Variants in NOMO1 observed in about 807,000 individuals in gnomAD.
The protein encoded by NOMO1 is nodal modulator 3.
A neutral mutation model predicts 133.8 loss-of-function variants in NOMO1; 40 were observed. That is an observed-to-expected ratio of 0.30 (90% CI 0.23 to 0.39). NOMO1 has a LOEUF of 0.39. Ranked by LOEUF, NOMO1 falls within the 10% of genes least tolerant of loss-of-function variation. The pLI is 1.00. For synonymous variants in NOMO1, 236 were observed against 570.5 expected (o/e 0.41, Z 8.36); for missense variants, 462 against 1,419.9 (o/e 0.33, Z 10.84).
intron 18 of NOMO1, 37 bp from the exon 19 acceptor site, chr16:14,874,999 A>T (rs1224970045): frequency 1.9e-6 from 3 of 1,613,560 alleles, no homozygotes; most frequent in Non-Finnish European, 2.5e-6. Flanking sequence ...GACCACAAGG[A>T]TACGCAACTA....
At chr16:14,835,758 T>A (rs1451958021) in intron 1 of NOMO1, among the ~76,000 whole-genome samples, 3 of 151,302 alleles carry the variant, frequency 2.0e-5, no homozygotes, top group African/African-American at 7.4e-5. Flanking sequence ...ATAATCATGA[T>A]ATTTCACGGT....
chr16:14,868,959 G>T, intron 16 of NOMO1, among the ~76,000 whole-genome samples: 1 of 145,678 alleles, frequency 6.9e-6, no homozygotes, highest in African/African-American at 2.5e-5. Context: ...TTTTTTTTGA[G>T]ATGGAGTCTT....
At chr16:14,842,512 C>A (rs1394726201) in intron 3 of NOMO1, among the ~76,000 whole-genome samples, 6 of 151,262 alleles carry the variant, frequency 4.0e-5, no homozygotes, top group Admixed American at 1.3e-4. Flanking sequence ...TTGCCACCCC[C>A]CACCCTACCC....
rs369867123 is a variant in NOMO1 at position 14,852,386 on chromosome 16, C to T, written c.583-44C>T. On this transcript the variant is annotated intron_variant, in intron 6 of 30. Coordinates refer to ENST00000287667, the MANE Select transcript of NOMO1 (RefSeq NM_014287.4). ...TGTCCTCATGTTGTTAGGCACTTTG[C>T]AAGTGTTTATTTTTTTACAGGTTAA... 6.3e-5 allele frequency: 98 copies of T among 1,548,400 alleles called. 1 individual carries two copies. The highest frequency in any genetic ancestry group is 7.9e-5 in the Non-Finnish European group (91 of 1,151,084).
chr16:14,886,646 A>G, intron 27 of NOMO1, 115 bp from the exon 28 acceptor site: 1 of 1,557,032 alleles, frequency 6.4e-7, no homozygotes, highest in Non-Finnish European at 8.8e-7. Flanking sequence ...TCTTTTTCAA[A>G]TATCCATGTT....
intron 1 of NOMO1, among the ~76,000 whole-genome samples, chr16:14,836,538 A>T (rs1422093337): frequency 2.0e-5 from 3 of 151,744 alleles, no homozygotes; most frequent in Non-Finnish European, 2.9e-5. Flanking sequence ...GCTTCCTTTT[A>T]CAGACATGGA....
chr16:14,844,380 G>T (rs1427653092), intron 3 of NOMO1, among the ~76,000 whole-genome samples: 1 of 151,360 alleles, frequency 6.6e-6, no homozygotes, highest in Non-Finnish European at 1.5e-5. Flanking sequence ...ATTTTCACTG[G>T]AACTCTGAGA....
intron 2 of NOMO1, among the ~76,000 whole-genome samples, chr16:14,838,882 TTAAAG>T (rs1475790786): frequency 1.7e-4 from 25 of 151,040 alleles, no homozygotes; most frequent in Non-Finnish European, 5.9e-5. Flanking sequence ...TGCAAGCAGC[TTAAAG>T]TATTGTTAAA....
chr16:14,874,948 A>G, intron 18 of NOMO1, 88 bp from the exon 19 acceptor site: 3 of 1,418,224 alleles, frequency 2.1e-6, no homozygotes, highest in Non-Finnish European at 2.0e-6. Context: ...TCCAGTTTGT[A>G]ACTCGCAAGT....
intron 29 of NOMO1, among the ~76,000 whole-genome samples, chr16:14,891,319 A>G (rs1386333539): frequency 6.7e-6 from 1 of 150,146 alleles, no homozygotes; most frequent in African/African-American, 2.4e-5. Context: ...TTTTTCAACC[A>G]TTTTCAGCTC....
chr16:14,868,484 A>G, intron 15 of NOMO1, 64 bp from the exon 16 acceptor site: 1 of 1,318,632 alleles, frequency 7.6e-7, no homozygotes, highest in Non-Finnish European at 1.1e-6. Context: ...AAAGAGAAAT[A>G]TTATTAATCA....
chr16:14,837,051 A>T (rs1235218295), intron 1 of NOMO1, among the ~76,000 whole-genome samples: 1 of 150,790 alleles, frequency 6.6e-6, no homozygotes, highest in Non-Finnish European at 1.5e-5. Context: ...AGGGTCTCAC[A>T]CTGTTGCTCA....
At chr16:14,887,795 A>G (rs1964348531) in intron 28 of NOMO1, among the ~76,000 whole-genome samples, 1 of 152,146 alleles carries the variant, frequency 6.6e-6, no homozygotes, top group African/African-American at 2.4e-5. Context: ...ACATTCTGCT[A>G]TTGAGTTTAA....
intron 29 of NOMO1, among the ~76,000 whole-genome samples, chr16:14,894,274 G>A (rs966524884): frequency 2.0e-5 from 3 of 152,130 alleles, no homozygotes; most frequent in African/African-American, 7.2e-5. Context: ...TCCAAAATGG[G>A]GCAATTGGCC....
chr16:14,856,734 G>A (rs567369224), intron 9 of NOMO1, among the ~76,000 whole-genome samples: 13 of 151,946 alleles, frequency 8.6e-5, no homozygotes, highest in Non-Finnish European at 1.9e-4. Flanking sequence ...ATAAGGACCT[G>A]TGTTCAGGTC....
chr16:14,847,089 TG>T (rs1424374094), intron 5 of NOMO1, among the ~76,000 whole-genome samples: 8 of 145,426 alleles, frequency 5.5e-5, no homozygotes, highest in Non-Finnish European at 1.2e-4. Context: ...TAGCTGGGTG[TG>T]GTGGCATGCT....
At chr16:14,861,672 C>T (rs968382943) in intron 11 of NOMO1, among the ~76,000 whole-genome samples, 1 of 149,368 alleles carries the variant, frequency 6.7e-6, no homozygotes, top group Non-Finnish European at 1.5e-5. Context: ...CTGTGGAGAG[C>T]CAGAGAATAA....
intron 14 of NOMO1, 27 bp from the exon 15 acceptor site, chr16:14,866,528 A>G (rs1469198051): frequency 3.1e-6 from 5 of 1,610,018 alleles, no homozygotes; most frequent in Middle Eastern, 2.2e-4. Flanking sequence ...ACGCCCATGT[A>G]TCCGTTTTTG....
intron 1 of NOMO1, among the ~76,000 whole-genome samples, chr16:14,836,147 T>C (rs187199832): frequency 0.013 from 2,036 of 152,236 alleles, 33 homozygotes; most frequent in Non-Finnish European, 0.019. Flanking sequence ...CTGAATCCTT[T>C]TGGATGAATG....
Sources: gnomAD v4.1 joint callset for allele counts (sites outside exome capture counted in the v4.1 genomes callset) on GRCh38, gnomAD v4.1.1 for gene constraint, MANE v1.5 for transcripts, NCBI Gene and HGNC (gene_info 2026-07-23, HGNC 2026-07-21) for gene names.